The following SGCD variants were observed in gnomAD, a reference collection of about 807,000 sequenced individuals.
SGCD encodes delta-sarcoglycan.
Under a neutral mutation model 36.6 loss-of-function variants are expected in SGCD, and 18 were observed. The observed-to-expected ratio is 0.49, with a 90% CI of 0.34 to 0.73. The LOEUF (loss-of-function observed/expected upper bound fraction) is 0.73. SGCD is among the 30% of genes least tolerant of loss of function. The pLI is 0.01. For missense variants in SGCD, 387 were observed against 346.7 expected (o/e 1.12, Z -0.92); for synonymous variants, 133 against 130.6 (o/e 1.02, Z -0.12).
chr5:155,766,008 G>T, the SGCD span, among the ~76,000 whole-genome samples: 1 of 152,074 alleles, frequency 6.6e-6, no homozygotes, highest in Admixed American at 6.6e-5. Flanking sequence ...CTGGCCTTGG[G>T]TCATTTTAAA....
intron 3 of SGCD, among the ~76,000 whole-genome samples, chr5:156,474,541 G>C: frequency 6.6e-6 from 1 of 152,328 alleles, no homozygotes; most frequent in Non-Finnish European, 1.5e-5. Context: ...GCCACTCCAA[G>C]CTTGCCGACA....
chr5:155,913,037 A>G (rs1342939674), intron 1 of SGCD, among the ~76,000 whole-genome samples: 2 of 152,142 alleles, frequency 1.3e-5, no homozygotes, highest in East Asian at 3.9e-4. Context: ...ATGTATTTCT[A>G]CAGTGGTGAT....
At chr5:156,268,244 A>G (rs1766054085) in intron 3 of SGCD, among the ~76,000 whole-genome samples, 1 of 152,172 alleles carries the variant, frequency 6.6e-6, no homozygotes, top group Admixed American at 6.5e-5. Flanking sequence ...ATTGATGGGC[A>G]TTTAGATTGA....
chr5:156,207,047 C>T (rs1338071479), intron 3 of SGCD, among the ~76,000 whole-genome samples: 4 of 151,984 alleles, frequency 2.6e-5, no homozygotes, highest in African/African-American at 9.7e-5. Flanking sequence ...AGCTTGCCAA[C>T]CGTGTTTTAC....
intron 6 of SGCD, among the ~76,000 whole-genome samples, chr5:156,626,958 CAG>C (rs1762462444): frequency 2.0e-5 from 3 of 152,190 alleles, no homozygotes; most frequent in Admixed American, 1.3e-4. Context: ...ACTACAGTAA[CAG>C]AGGTGTGATC....
At chr5:155,982,519 A>T (rs879352411) in intron 1 of SGCD, among the ~76,000 whole-genome samples, 8 of 152,056 alleles carry the variant, frequency 5.3e-5, no homozygotes, top group Non-Finnish European at 1.0e-4. Flanking sequence ...TTGGTACTCA[A>T]GGAGACCAGA....
rs533823399 is a variant in SGCD at position 156,539,591 on chromosome 5, A to G, written c.294+30889A>G. On this transcript the variant is annotated intron_variant, in intron 4 of 8. Transcript: ENST00000337851. ...AAGTTGTAGCAAAAGACATTATTTC[A>G]TTCATTTTTATGGCTGAGTAGCATT... is the stretch of plus-strand genomic sequence containing the variant. Among the ~76,000 whole-genome samples, 33 of 152,260 alleles carry G rather than the reference A, an allele frequency of 2.2e-4. No homozygotes were observed. The South Asian group carries it at 6.8e-3, about 32-fold the overall frequency.
chr5:156,599,220 C>G (rs1761066248), intron 6 of SGCD, among the ~76,000 whole-genome samples: 1 of 152,144 alleles, frequency 6.6e-6, no homozygotes, highest in Non-Finnish European at 1.5e-5. Context: ...TTTGAGTCGT[C>G]AGACTGTATA....
At chr5:155,746,472 G>A in the SGCD span, among the ~76,000 whole-genome samples, 1 of 152,138 alleles carries the variant, frequency 6.6e-6, no homozygotes, top group African/African-American at 2.4e-5. Context: ...TATTTAAAGA[G>A]ACAGTATACT....
chr5:156,550,152 ACTGCTACCT>A (rs1458479131), intron 4 of SGCD, among the ~76,000 whole-genome samples: 4 of 152,194 alleles, frequency 2.6e-5, no homozygotes, highest in African/African-American at 9.7e-5. Context: ...TCCCAATCAC[ACTGCTACCT>A]CTGATAAACA....
At chr5:156,353,525 A>G (rs567049930) in intron 3 of SGCD, among the ~76,000 whole-genome samples, 1 of 152,366 alleles carries the variant, frequency 6.6e-6, no homozygotes, top group East Asian at 1.9e-4. Context: ...AGATTTGCTT[A>G]GTAAATGGGT....
chr5:156,071,399 A>G (rs1195789695), intron 1 of SGCD, among the ~76,000 whole-genome samples: 4 of 152,228 alleles, frequency 2.6e-5, no homozygotes, highest in Non-Finnish European at 5.9e-5. Flanking sequence ...CCCAGTAGTC[A>G]TTCAGGAGCA....
the SGCD span, among the ~76,000 whole-genome samples, chr5:155,780,704 A>C: frequency 6.6e-6 from 1 of 152,198 alleles, no homozygotes; most frequent in Non-Finnish European, 1.5e-5. Flanking sequence ...AGAAATACAC[A>C]GTTGAATATG....
chr5:156,188,796 G>A (rs915206649), intron 3 of SGCD, among the ~76,000 whole-genome samples: 1 of 151,724 alleles, frequency 6.6e-6, no homozygotes, highest in Non-Finnish European at 1.5e-5. Context: ...CTAAGACCGA[G>A]AGCGTAACCA....
chr5:156,297,643 TG>T (rs2127682080), intron 3 of SGCD, among the ~76,000 whole-genome samples: 1 of 29,608 alleles, frequency 3.4e-5, no homozygotes, highest in South Asian at 1.3e-3. Flanking sequence ...TGTTGTGGGG[TG>T]GGGGGAGGGG....
At chr5:155,878,313 A>G (rs1755808349) in intron 1 of SGCD, among the ~76,000 whole-genome samples, 1 of 152,022 alleles carries the variant, frequency 6.6e-6, no homozygotes. Context: ...CTCTCTTTCC[A>G]TTTTTCCTCT....
At chr5:156,608,288 C>A (rs1440120581) in intron 6 of SGCD, among the ~76,000 whole-genome samples, 1 of 152,202 alleles carries the variant, frequency 6.6e-6, no homozygotes, top group Non-Finnish European at 1.5e-5. Context: ...TTTCTGCCTT[C>A]ATTTCGTTAT....
At chr5:156,407,390 A>G (rs891745246) in intron 3 of SGCD, among the ~76,000 whole-genome samples, 30 of 152,280 alleles carry the variant, frequency 2.0e-4, no homozygotes, top group African/African-American at 6.7e-4. Context: ...TTGTCTCTGA[A>G]GTAGCATTCT....
At chr5:155,770,780 G>GTATGC in the SGCD span, among the ~76,000 whole-genome samples, 1 of 152,090 alleles carries the variant, frequency 6.6e-6, no homozygotes, top group Non-Finnish European at 1.5e-5. Flanking sequence ...TGTCAGCATG[G>GTATGC]TATGAATTTA....
Sources: gnomAD v4.1 joint callset for allele counts (sites outside exome capture counted in the v4.1 genomes callset) on GRCh38, gnomAD v4.1.1 for gene constraint, MANE v1.5 for transcripts, NCBI Gene and HGNC (gene_info 2026-07-23, HGNC 2026-07-21) for gene names.